Variants in EYS observed in about 807,000 individuals in gnomAD.
EYS encodes the protein protein eyes shut homolog.
A neutral mutation model predicts 282.1 loss-of-function variants in EYS; 250 were observed. The ratio of observed to expected loss-of-function variants is 0.89; its 90% CI spans 0.80 to 0.98. The LOEUF is 0.98. Ranked by LOEUF, EYS falls within the 50% of genes least tolerant of loss-of-function variation. The probability of loss-of-function intolerance (pLI) is 0.00; values close to 1 mark genes in which losing one functional copy is unlikely to be tolerated. For synonymous variants in EYS, 1,355 were observed against 1,282.9 expected, an observed-to-expected ratio of 1.06 and a Z score of -1.20; for missense variants, 4,016 against 3,709.0, an observed-to-expected ratio of 1.08 and a Z score of -2.15.
At chr6:64,651,886 C>T (rs1478782068) in intron 22 of EYS, among the ~76,000 whole-genome samples, 2 of 152,116 alleles carry the variant, frequency 1.3e-5, no homozygotes, top group Non-Finnish European at 2.9e-5. Flanking sequence ...AAGTAAGATA[C>T]CAATCTTTAT....
At chr6:63,861,190 G>T (rs4710449) in intron 36 of EYS, among the ~76,000 whole-genome samples, 57,426 of 151,556 alleles carry the variant, frequency 0.38, 11,426 homozygotes, top group African/African-American at 0.49. Context: ...AAAAGAAGCT[G>T]TTATGCCTCT....
intron 30 of EYS, 79 bp downstream of exon 30, chr6:64,306,891 G>A: frequency 1.3e-6 from 1 of 744,418 alleles, no homozygotes. Flanking sequence ...GCCTTCATTA[G>A]ATTATTTCAA....
At chr6:64,540,231 C>T (rs941613638) in intron 26 of EYS, among the ~76,000 whole-genome samples, 1 of 152,146 alleles carries the variant, frequency 6.6e-6, no homozygotes, top group African/African-American at 2.4e-5. Flanking sequence ...TTCTGTCTTA[C>T]ATCCTTTTTT....
chr6:64,524,884 T>C (rs558068366), intron 26 of EYS, among the ~76,000 whole-genome samples: 4 of 151,782 alleles, frequency 2.6e-5, no homozygotes, highest in Admixed American at 1.3e-4. Flanking sequence ...CAGACACTTT[T>C]CAAAAGAAGA....
chr6:65,397,639 T>G (rs917560463), intron 7 of EYS, among the ~76,000 whole-genome samples: 1 of 150,362 alleles, frequency 6.7e-6, no homozygotes, highest in Non-Finnish European at 1.5e-5. Context: ...TGTATCATGT[T>G]TTTAATCCAG....
At chr6:65,109,254 C>T (rs1315597773) in intron 12 of EYS, among the ~76,000 whole-genome samples, 3 of 151,764 alleles carry the variant, frequency 2.0e-5, no homozygotes, top group Non-Finnish European at 4.4e-5. Context: ...CTTGATTTTC[C>T]TTTCTCTTGA....
At chr6:65,265,960 C>T (rs1767742319) in intron 12 of EYS, among the ~76,000 whole-genome samples, 1 of 151,774 alleles carries the variant, frequency 6.6e-6, no homozygotes, top group South Asian at 2.1e-4. Flanking sequence ...TTTGAGTACA[C>T]ATCTAAAATT....
At chr6:65,492,339 A>ACAAG (rs1325818329) in intron 4 of EYS, among the ~76,000 whole-genome samples, 1 of 151,764 alleles carries the variant, frequency 6.6e-6, no homozygotes, top group Non-Finnish European at 1.5e-5. Flanking sequence ...AAAGAAACAA[A>ACAAG]CAAACAAAGA....
intron 35 of EYS, among the ~76,000 whole-genome samples, chr6:63,965,152 C>T (rs1766244568): frequency 6.6e-6 from 1 of 152,132 alleles, no homozygotes; most frequent in Non-Finnish European, 1.5e-5. Flanking sequence ...GCTTTTGGCT[C>T]AAAAGGGCCT....
chr6:64,540,994 C>T (rs751253050), intron 26 of EYS, among the ~76,000 whole-genome samples: 4 of 152,138 alleles, frequency 2.6e-5, no homozygotes, highest in South Asian at 2.1e-4. Context: ...TGCTCCACGG[C>T]GGCTGAGTTA....
At chr6:65,136,597 C>G (rs879723809) in intron 12 of EYS, among the ~76,000 whole-genome samples, 3 of 152,018 alleles carry the variant, frequency 2.0e-5, no homozygotes, top group Admixed American at 6.6e-5. Flanking sequence ...GAATTTCTAA[C>G]ATAAATAATG....
At chr6:64,151,019 G>A (rs1774685174) in intron 31 of EYS, among the ~76,000 whole-genome samples, 1 of 151,740 alleles carries the variant, frequency 6.6e-6, no homozygotes, top group South Asian at 2.1e-4. Context: ...TCATAACTAA[G>A]TAATTACATT....
chr6:64,365,310 T>G (rs1772150883), intron 29 of EYS, among the ~76,000 whole-genome samples: 1 of 151,964 alleles, frequency 6.6e-6, no homozygotes, highest in Non-Finnish European at 1.5e-5. Context: ...TGGCAACACA[T>G]GGGTGACATA....
chr6:64,123,187 T>C (rs1417946040), intron 31 of EYS, among the ~76,000 whole-genome samples: 2 of 152,164 alleles, frequency 1.3e-5, no homozygotes, highest in Non-Finnish European at 2.9e-5. Context: ...AGGAGGCAAA[T>C]ACATGGCCAC....
At chr6:64,927,044 T>C (rs1185190682) in intron 15 of EYS, among the ~76,000 whole-genome samples, 3 of 152,216 alleles carry the variant, frequency 2.0e-5, no homozygotes, top group African/African-American at 7.2e-5. Flanking sequence ...TGATGGACCA[T>C]GTCTTGATGT....
Position 63,984,507 on chromosome 6 carries a change from C to G in EYS, c.6931G>C (p.Asp2311His). The G allele has an allele frequency of 6.5e-7, 1 of 1,549,622 alleles. No homozygotes were observed. Among genetic ancestry groups the G allele is most frequent in the Admixed American group, 2.0e-5 (1 of 50,892 alleles). ...AATTCTTTGTTGTTTACTTGAAGGTCTAGAATGCAGCCCCTGAACCCATAA... is the reference window on the plus strand; with the variant it reads ...AATTCTTTGTTGTTTACTTGAAGGTGTAGAATGCAGCCCCTGAACCCATAA... ...PVYGFRGCIL[D>H]LQVNNKEFFI... Residue 2311 changes from aspartate to histidine, a missense_variant, in exon 35 of 43, where the codon GAC becomes CAC. By Grantham distance (81) the Asp-to-His change is moderately conservative. Coordinates refer to ENST00000503581, the MANE Select transcript of EYS (RefSeq NM_001142800.2).
intron 26 of EYS, among the ~76,000 whole-genome samples, chr6:64,522,990 T>A (rs1171133847): frequency 6.6e-6 from 1 of 151,678 alleles, no homozygotes; most frequent in Non-Finnish European, 1.5e-5. Flanking sequence ...TTCTTTTGTC[T>A]TTTCAAAAGA....
chr6:64,093,184 G>A (rs1299075182), intron 31 of EYS, among the ~76,000 whole-genome samples: 1 of 151,942 alleles, frequency 6.6e-6, no homozygotes, highest in African/African-American at 2.4e-5. Context: ...AAGTCAGGTA[G>A]CGTGATGCCT....
chr6:64,119,513 C>A (rs550320574), intron 31 of EYS, among the ~76,000 whole-genome samples: 3 of 152,172 alleles, frequency 2.0e-5, no homozygotes, highest in Non-Finnish European at 4.4e-5. Flanking sequence ...CATTTGACTT[C>A]ATTTGCCAAA....
Sources: gnomAD v4.1 joint callset for allele counts (sites outside exome capture counted in the v4.1 genomes callset) on GRCh38, gnomAD v4.1.1 for gene constraint, MANE v1.5 for transcripts, NCBI Gene and HGNC (gene_info 2026-07-23, HGNC 2026-07-21) for gene names.